CENPM: variants seen among roughly 807,000 people sequenced by gnomAD.
The protein encoded by CENPM is interphase centromere complex protein 39.
CENPM carries 14 observed loss-of-function variants against 19.6 expected under a neutral mutation model. The observed-to-expected ratio is 0.71, with a 90% confidence interval of 0.47 to 1.11. The LOEUF is 1.11. Ranked by LOEUF, CENPM falls within the 50% of genes most tolerant of loss-of-function variation. The probability of loss-of-function intolerance (pLI) is 0.00; values close to 1 mark genes in which losing one functional copy is unlikely to be tolerated. For missense variants in CENPM, 239 were observed against 228.4 expected, an observed-to-expected ratio of 1.05 and a Z score of -0.30; for synonymous variants, 114 against 101.5, an observed-to-expected ratio of 1.12 and a Z score of -0.74.
At chr22:41,931,144 C>G in the CENPM span, among the ~76,000 whole-genome samples, 5 of 151,214 alleles carry the variant, frequency 3.3e-5, no homozygotes, top group African/African-American at 9.7e-5. Context: ...CCACCATGCT[C>G]TACTTTTAAT....
chr22:41,939,848 GA>G (rs375532561), intron 5 of CENPM, among the ~76,000 whole-genome samples: 1 of 2,526 alleles, frequency 4.0e-4, no homozygotes, highest in African/African-American at 1.0e-3. Flanking sequence ...GAAAAAGAAA[GA>G]AAGAAAGAAA....
chr22:41,937,541 C>T (rs1477484680), downstream of CENPM, among the ~76,000 whole-genome samples: 2 of 152,220 alleles, frequency 1.3e-5, no homozygotes, highest in African/African-American at 2.4e-5. Context: ...GCAATCCGCC[C>T]GCCTCGGCTT....
chr22:41,936,107 T>C (rs2077682576), downstream of CENPM, among the ~76,000 whole-genome samples: 1 of 152,174 alleles, frequency 6.6e-6, no homozygotes, highest in Non-Finnish European at 1.5e-5. Flanking sequence ...TGACCTCAAG[T>C]GATCTGCCCA....
chr22:41,936,241 C>G (rs1356637061), downstream of CENPM, among the ~76,000 whole-genome samples: 1 of 152,214 alleles, frequency 6.6e-6, no homozygotes, highest in Non-Finnish European at 1.5e-5. Flanking sequence ...GCTGGCTCTG[C>G]TGCCAGTTAG....
chr22:41,936,615 C>T (rs758618249), downstream of CENPM, among the ~76,000 whole-genome samples: 125 of 152,258 alleles, frequency 8.2e-4, no homozygotes, highest in Non-Finnish European at 1.6e-3. Context: ...GGCCCAGCTG[C>T]GATGGTGACA....
chr22:41,945,457 T>C, intron 3 of CENPM, 153 bp from the exon 4 acceptor site: 1 of 1,426,850 alleles, frequency 7.0e-7, no homozygotes, highest in East Asian at 2.5e-5. Flanking sequence ...ATTTTTTTTT[T>C]TTTTTTTTTT....
intron 1 of CENPM, 36 bp from the exon 2 acceptor site, chr22:41,946,532 G>C: frequency 6.3e-7 from 1 of 1,580,550 alleles, no homozygotes; most frequent in South Asian, 1.1e-5. Context: ...TCGAGCCCTA[G>C]GCACAGCACC....
At chr22:41,945,051 T>C in intron 4 of CENPM, 174 bp downstream of exon 4, 1 of 1,457,954 alleles carries the variant, frequency 6.9e-7, no homozygotes, top group East Asian at 2.5e-5. Context: ...CTAGTACCCA[T>C]TAGTTATTTT....
chr22:41,941,693 G>A (rs1166660139), intron 5 of CENPM, among the ~76,000 whole-genome samples: 1 of 152,248 alleles, frequency 6.6e-6, no homozygotes, highest in Non-Finnish European at 1.5e-5. Context: ...TTCTCTCTGG[G>A]AGGAAAGCCT....
chr22:41,927,223 C>A, the CENPM span, among the ~76,000 whole-genome samples: 1 of 152,014 alleles, frequency 6.6e-6, no homozygotes, highest in African/African-American at 2.4e-5. Flanking sequence ...CCCGGCCTGG[C>A]CTCTCTTTCT....
downstream of CENPM, among the ~76,000 whole-genome samples, chr22:41,936,517 A>G (rs911725674): frequency 6.6e-6 from 1 of 152,196 alleles, no homozygotes; most frequent in Non-Finnish European, 1.5e-5. Flanking sequence ...TAAGTTCCAG[A>G]AGGAACCTAC....
rs1424395303 is a variant in CENPM at position 41,946,550 on chromosome 22, G to A, written c.58-54C>T. The A allele has an allele frequency of 2.0e-6, 3 of 1,509,284 alleles. No individual in the cohort carries two copies. The Admixed American group carries it at 5.2e-5, about 26-fold the overall frequency. 93.5% of individuals were successfully genotyped at this position (1,509,284 alleles called of 1,614,324 possible). A position where few individuals can be genotyped will look rare whatever the true frequency, so the allele number is the denominator to read the frequency against. On this transcript the variant is annotated intron_variant, in intron 1 of 5. Transcript: ENST00000215980. ...AGCCCTAGGCACAGCACCCCCTGGG[G>A]AGGGCCTGGCCCTTCGACCCACTCC...
At chr22:41,946,964 T>C (rs1258765964) in intron 1 of CENPM, 56 bp downstream of exon 1, 2 of 1,579,544 alleles carry the variant, frequency 1.3e-6, no homozygotes, top group East Asian at 2.2e-5. Context: ...ACCTAGTGGC[T>C]GAAGCACCGC....
At chr22:41,928,191 T>C in the CENPM span, 2 of 421,126 alleles carry the variant, frequency 4.7e-6, no homozygotes, top group South Asian at 1.8e-5. The surrounding 1 kb of genome is among the most constrained non-coding windows in gnomAD (Gnocchi z 4.0). Context: ...GAGGGAACTG[T>C]GACTGCAGTG....
At chr22:41,936,289 G>A (rs867535287), downstream of CENPM, among the ~76,000 whole-genome samples, 5 of 152,348 alleles carry the variant, frequency 3.3e-5, no homozygotes, top group African/African-American at 7.2e-5. Context: ...ACAACGGTCT[G>A]TTTCATGAAC....
At chr22:41,945,421 T>A in intron 3 of CENPM, 117 bp from the exon 4 acceptor site, 4 of 1,508,364 alleles carry the variant, frequency 2.7e-6, no homozygotes, top group Non-Finnish European at 3.5e-6. Flanking sequence ...GAGGGTGACT[T>A]TCTCTGGAGA....
In CENPM at chr22:41,938,935, C is replaced by G. The variant is rs547235734; in HGVS notation, c.*121G>C. 3.2e-5 allele frequency: 43 copies of G among 1,354,230 alleles called. No individual in the cohort carries two copies. In the South Asian group the frequency reaches 5.8e-4, roughly 18 times the overall value. 83.9% of individuals were successfully genotyped at this position (1,354,230 alleles called of 1,614,324 possible). A position where few individuals can be genotyped will look rare whatever the true frequency, so the allele number is the denominator to read the frequency against. On this transcript the variant is annotated 3_prime_UTR_variant, in exon 6 of 6. Transcript: ENST00000215980. ...CTGCAGCACTGGCACTGCAGGGAAC[C>G]TTCCCAGCCACGGCGGGCTGAGCCT...
chr22:41,946,436 A>T lies in CENPM; in HGVS notation c.118T>A (p.Cys40Ser), dbSNP rs751933875. 28 of 1,613,028 alleles carry T rather than the reference A, an allele frequency of 1.7e-5. No homozygotes were observed. Among genetic ancestry groups the T allele is most frequent in the Non-Finnish European group, 2.4e-5 (28 of 1,179,948 alleles). Reference protein sequence around the residue: ...QLADSMLKEDCASELKVHLAK... With the variant: ...QLADSMLKEDSASELKVHLAK... ...ACTTACACCTTCAGCTCGGAGGCGC[A>T]GTCCTCTTTGAGCATCGAGTCCGCC... The change falls in exon 2 of 6, where the codon TGC (cysteine) becomes AGC (serine). Residue 40 changes from cysteine to serine, a missense_variant. Cys to Ser is a moderately radical substitution (Grantham distance 112, BLOSUM62 -1). Transcript: ENST00000215980.
chr22:41,937,588 C>T (rs115597461), downstream of CENPM, among the ~76,000 whole-genome samples: 827 of 152,306 alleles, frequency 5.4e-3, 4 homozygotes, highest in African/African-American at 0.019. Context: ...TCACTGAGTG[C>T]CTACCTAGCA....
Sources: gnomAD v4.1 joint callset for allele counts (sites outside exome capture counted in the v4.1 genomes callset) on GRCh38, gnomAD v4.1.1 for gene constraint, Gnocchi (gnomAD v3.1) non-coding constraint, MANE v1.5 for transcripts, NCBI Gene and HGNC (gene_info 2026-07-23, HGNC 2026-07-21) for gene names.